ANK1: variants seen among roughly 807,000 people sequenced by gnomAD.
ANK1 encodes the protein ankyrin-1.
In ANK1, 51 loss-of-function variants were observed where a neutral mutation model predicts 210.4. The observed-to-expected ratio is 0.24, with a 90% CI of 0.19 to 0.31. The LOEUF (loss-of-function observed/expected upper bound fraction) is 0.31, where lower values mean the gene tolerates loss of function less well. ANK1 is among the 10% of genes least tolerant of loss of function. The probability of loss-of-function intolerance (pLI) is 1.00; values close to 1 mark genes in which losing one functional copy is unlikely to be tolerated. For missense variants in ANK1, 2,051 were observed against 2,504.4 expected (o/e 0.82, Z 3.86); for synonymous variants, 967 against 1,025.9 (o/e 0.94, Z 1.10).
chr8:41,840,590 G>A (rs1808705111), intron 1 of ANK1, among the ~76,000 whole-genome samples: 2 of 152,154 alleles, frequency 1.3e-5, no homozygotes, highest in Non-Finnish European at 2.9e-5. Flanking sequence ...GCGGGCAGCT[G>A]GCTTCTCTCT....
At position 41,672,385 on chromosome 8, in the gene ANK1, C is replaced by A. The variant is rs758199811; in HGVS notation, c.5065G>T (p.Val1689Leu). The A allele has an allele frequency of 6.2e-7, 1 of 1,614,220 alleles. No individual in the cohort carries two copies. Among genetic ancestry groups the A allele is most frequent in the Admixed American group, 1.7e-5 (1 of 60,032 alleles). Residue 1689 changes from valine (V) to leucine (L), a missense_variant, in exon 38 of 43, where the codon GTG becomes TTG. Coordinates refer to ENST00000289734, the MANE Select transcript of ANK1 (RefSeq NM_000037.4). ...TGACTCCTCTCCGTCACCTGACTCA[C>A]GGTGGGGGAATGTGTGATTCGGGCT... is the stretch of plus-strand genomic sequence containing the variant. The part of the protein sequence containing the change: ...GQARITHSPT[V>L]SQVTERSQDR...
chr8:41,829,868 T>C (rs561292876), intron 1 of ANK1: 2 of 138,182 alleles, frequency 1.4e-5, no homozygotes, highest in African/African-American at 5.5e-5. Context: ...CCCAGGAGGC[T>C]GAACTTGCAG....
At position 41,804,956 on chromosome 8, in the gene ANK1, C is replaced by T. The variant is rs557186610; in HGVS notation, c.127-46819G>A. On this transcript the variant is annotated intron_variant, in intron 1 of 42. Coordinates refer to the ANK1 transcript ENST00000265709. Reference sequence around the variant, plus strand: ...TTCAAGGGTAAACTCCCACTCATTCCGGTAAACTTAGAGAATAGTGTTGAA... The same window carrying T: ...TTCAAGGGTAAACTCCCACTCATTCTGGTAAACTTAGAGAATAGTGTTGAA... Among the ~76,000 whole-genome samples, 4 of 152,090 alleles carry T rather than the reference C, an allele frequency of 2.6e-5. No homozygotes were observed. The South Asian group carries it at 8.4e-4, about 32-fold the overall frequency.
intron 3 of ANK1, among the ~76,000 whole-genome samples, chr8:41,731,402 G>T (rs1005658046): frequency 6.6e-6 from 1 of 152,146 alleles, no homozygotes; most frequent in Non-Finnish European, 1.5e-5. Context: ...GAGAGAGCAG[G>T]CTTTTTTCCA....
intron 2 of ANK1, among the ~76,000 whole-genome samples, chr8:41,739,522 T>TTTTTTTTTTTC: frequency 2.8e-5 from 1 of 35,420 alleles, no homozygotes; most frequent in South Asian, 8.1e-4. Flanking sequence ...TTTTTCTTTC[T>TTTTTTTTTTTC]TTTTTTTTTT....
chr8:41,896,170 C>T (rs935226537), intron 1 of ANK1, among the ~76,000 whole-genome samples: 2 of 152,192 alleles, frequency 1.3e-5, no homozygotes, highest in African/African-American at 4.8e-5. Flanking sequence ...CGCCCTGTCC[C>T]CTTCCCGGCC....
chr8:41,723,972 T>C (rs557516260), intron 7 of ANK1, among the ~76,000 whole-genome samples: 7 of 151,788 alleles, frequency 4.6e-5, no homozygotes, highest in African/African-American at 1.7e-4. Context: ...GTATTTTTAG[T>C]AGAGACGGGG....
At chr8:41,863,930 G>A (rs927306793) in intron 1 of ANK1, among the ~76,000 whole-genome samples, 7 of 152,106 alleles carry the variant, frequency 4.6e-5, no homozygotes, top group African/African-American at 1.4e-4. Context: ...GCTGCTGCAC[G>A]TTCTGCGCTT....
Position 41,727,941 on chromosome 8 carries a change from G to C in ANK1, c.294C>G (p.Val98=). 2 of 1,614,174 alleles carry C rather than the reference G, an allele frequency of 1.2e-6. No individual in the cohort carries two copies. Among genetic ancestry groups the C allele is most frequent in the Non-Finnish European group, 1.7e-6 (2 of 1,180,038 alleles). Residue 98 remains valine, a synonymous_variant, in exon 4 of 43, where the codon GTC becomes GTG. Transcript: ENST00000289734. The stretch of plus-strand genomic sequence containing the variant: ...GGGCGTTGACGTTGGCTCCATAGTT[G>C]ACAAGCTCCCGGACCACCTCATCCT... ...AGQDEVVREL[V]NYGANVNAQS...
At chr8:41,872,599 C>T (rs946633568) in intron 1 of ANK1, among the ~76,000 whole-genome samples, 2 of 152,304 alleles carry the variant, frequency 1.3e-5, no homozygotes, top group Admixed American at 6.5e-5. Flanking sequence ...CCGTGGGGAG[C>T]GCGTCCAGCC....
chr8:41,767,166 G>T (rs1295595566), intron 1 of ANK1, among the ~76,000 whole-genome samples: 1 of 152,098 alleles, frequency 6.6e-6, no homozygotes. Flanking sequence ...TAGAAGCCTC[G>T]GCAGCAGAAG....
At chr8:41,718,229 G>A (rs748544803) in intron 10 of ANK1, 25 bp from the exon 11 acceptor site, 16 of 1,609,632 alleles carry the variant, frequency 9.9e-6, no homozygotes, top group Non-Finnish European at 1.1e-5. Context: ...AAGGGAGACA[G>A]ACAAGCAGGA....
intron 1 of ANK1, among the ~76,000 whole-genome samples, chr8:41,836,797 G>A (rs1471266997): frequency 1.3e-5 from 2 of 152,086 alleles, no homozygotes; most frequent in African/African-American, 4.8e-5. Flanking sequence ...GCACACACCT[G>A]TAATCCCAGC....
At chr8:41,738,464 G>A (rs777887528) in intron 2 of ANK1, among the ~76,000 whole-genome samples, 2 of 152,184 alleles carry the variant, frequency 1.3e-5, no homozygotes, top group African/African-American at 2.4e-5. Context: ...ACACACAAAG[G>A]AGCTTGTACA....
At chr8:41,875,778 T>C (rs1017499922) in intron 1 of ANK1, among the ~76,000 whole-genome samples, 3 of 152,134 alleles carry the variant, frequency 2.0e-5, no homozygotes, top group African/African-American at 4.8e-5. Flanking sequence ...GCGCCATTTT[T>C]CCCCGGACAG....
At position 41,795,131 on chromosome 8, in the gene ANK1, C is replaced by T. The variant is rs117449287; in HGVS notation, c.27+2381G>A. Among the ~76,000 whole-genome samples, 551 of 152,360 alleles carry T rather than the reference C, an allele frequency of 3.6e-3. 2 individuals carry two copies. The highest frequency in any genetic ancestry group is 9.9e-3 in the African/African-American group (412 of 41,580). On this transcript the variant is annotated intron_variant, in intron 1 of 42. Transcript: ENST00000289734. ...AAACCCTGCTTTTCTAAATATATTG[C>T]AGTTTGATTAATCTCAAAATAAGTC...
At chr8:41,849,039 A>G (rs1810663590) in intron 1 of ANK1, among the ~76,000 whole-genome samples, 1 of 152,246 alleles carries the variant, frequency 6.6e-6, no homozygotes, top group Admixed American at 6.5e-5. Context: ...CAGACAGGGC[A>G]CCAGGGACTG....
Position 41,714,080 on chromosome 8 carries a change from C to A in ANK1, c.1800+76G>T, listed in dbSNP as rs1343805068. 33 of 1,083,660 alleles carry A rather than the reference C, an allele frequency of 3.0e-5. No individual in the cohort carries two copies. In the East Asian group the frequency reaches 9.4e-4, roughly 31 times the overall value. 67.1% of individuals were successfully genotyped at this position (1,083,660 alleles called of 1,614,324 possible). A position where few individuals can be genotyped will look rare whatever the true frequency, so the allele number is the denominator to read the frequency against. Reference sequence around the variant, plus strand: ...CAAAACCCTTGGGCTGCTGTGGAAACCCCCCTCCCTGAGGGACTGGAAGGT... The same window carrying A: ...CAAAACCCTTGGGCTGCTGTGGAAAACCCCCTCCCTGAGGGACTGGAAGGT... On this transcript the variant is annotated intron_variant, in intron 16 of 42. Transcript: ENST00000289734.
At chr8:41,795,250 C>T (rs555656210) in intron 1 of ANK1, among the ~76,000 whole-genome samples, 1 of 152,142 alleles carries the variant, frequency 6.6e-6, no homozygotes, top group African/African-American at 2.4e-5. Context: ...CAGCGGCTCA[C>T]GCCTGTAATG....
Sources: gnomAD v4.1 joint callset for allele counts (sites outside exome capture counted in the v4.1 genomes callset) on GRCh38, gnomAD v4.1.1 for gene constraint, MANE v1.5 for transcripts, NCBI Gene and HGNC (gene_info 2026-07-23, HGNC 2026-07-21) for gene names.